KCNN3: variants seen among roughly 807,000 people sequenced by gnomAD.
KCNN3 encodes the protein small conductance calcium-activated potassium channel protein 3.
Under a neutral mutation model 62.9 loss-of-function variants are expected in KCNN3, and 16 were observed. The ratio of observed to expected loss-of-function variants is 0.25; its 90% CI spans 0.17 to 0.39. The LOEUF (loss-of-function observed/expected upper bound fraction) is 0.39. Ranked by LOEUF, KCNN3 falls within the 10% of genes least tolerant of loss-of-function variation. The probability of loss-of-function intolerance (pLI) is 1.00; values close to 1 mark genes in which losing one functional copy is unlikely to be tolerated. For synonymous variants in KCNN3, 370 were observed against 389.2 expected (o/e 0.95, Z 0.58); for missense variants, 599 against 949.4 (o/e 0.63, Z 4.85).
intron 2 of KCNN3, among the ~76,000 whole-genome samples, chr1:154,812,535 G>A (rs1367628743): frequency 6.6e-6 from 1 of 151,854 alleles, no homozygotes; most frequent in Non-Finnish European, 1.5e-5. Flanking sequence ...GCGATAGTTT[G>A]CTGAGAATGA....
At chr1:154,765,739 C>A (rs1034972192) in intron 3 of KCNN3, among the ~76,000 whole-genome samples, 1 of 151,812 alleles carries the variant, frequency 6.6e-6, no homozygotes, top group Non-Finnish European at 1.5e-5. Context: ...GTGATCCCCC[C>A]ACCTCAGCCT....
chr1:154,797,919 T>C (rs555048724), intron 2 of KCNN3, among the ~76,000 whole-genome samples: 2 of 152,296 alleles, frequency 1.3e-5, no homozygotes, highest in East Asian at 3.9e-4. Flanking sequence ...ATAAGAAGGA[T>C]GGTCTGATGA....
At chr1:154,852,617 C>A (rs12058931) in intron 1 of KCNN3, among the ~76,000 whole-genome samples, 28,500 of 152,070 alleles carry the variant, frequency 0.19, 3,399 homozygotes, top group Non-Finnish European at 0.28. Flanking sequence ...AGAGACACAC[C>A]AGATTTCAAA....
chr1:154,817,570 A>G (rs1335378879), intron 2 of KCNN3, among the ~76,000 whole-genome samples: 1 of 152,238 alleles, frequency 6.6e-6, no homozygotes, highest in Non-Finnish European at 1.5e-5. Context: ...CCACCTACAC[A>G]CTAAATGTGA....
chr1:154,798,955 C>T (rs1174091579), intron 2 of KCNN3, among the ~76,000 whole-genome samples: 7 of 148,550 alleles, frequency 4.7e-5, no homozygotes, highest in African/African-American at 1.8e-4. Flanking sequence ...TCCACTCTGT[C>T]ACCCAGGCTG....
chr1:154,798,768 T>C (rs529997143), intron 2 of KCNN3, among the ~76,000 whole-genome samples: 1 of 152,310 alleles, frequency 6.6e-6, no homozygotes, highest in African/African-American at 2.4e-5. Context: ...TGTGTGAAGT[T>C]ACACAACTAA....
In KCNN3 at chr1:154,785,572, CTTTTTTTT is replaced by C. The variant is rs59033291; in HGVS notation, c.1030-13187_1030-13180del. ...CTGGGGCCTAAGCACTTTTCTTTTTCTTTTTTTTTTTTTTTTTTTTTTTTTTTGAGACA... is the reference window on the plus strand; with the variant it reads ...CTGGGGCCTAAGCACTTTTCTTTTTCTTTTTTTTTTTTTTTTTTTGAGACA... On this transcript the variant is annotated intron_variant, in intron 2 of 7. Coordinates refer to ENST00000271915, the MANE Select transcript of KCNN3 (RefSeq NM_002249.6). Among the ~76,000 whole-genome samples the C allele has an allele frequency of 1.7e-4, 18 of 107,966 alleles. No individual in the cohort carries two copies. In the East Asian group the frequency reaches 1.9e-3, roughly 11 times the overall value. 70.8% of individuals were successfully genotyped at this position (107,966 alleles called of 152,430 possible). A position where few individuals can be genotyped will look rare whatever the true frequency, so the allele number is the denominator to read the frequency against.
chr1:154,752,617 G>A (rs1647430695), intron 3 of KCNN3, among the ~76,000 whole-genome samples: 1 of 152,158 alleles, frequency 6.6e-6, no homozygotes, highest in Admixed American at 6.5e-5. Context: ...GGCCACAGAG[G>A]AGAACCTGTG....
chr1:154,854,592 A>G lies in KCNN3; in HGVS notation c.933+14440T>C, dbSNP rs1213306761. Reference sequence around the variant, plus strand: ...ATCTATTAAAATGTAAATTCGTGACAGCAAAGATTTTTCTCTTTTGTGGGT... The same window carrying G: ...ATCTATTAAAATGTAAATTCGTGACGGCAAAGATTTTTCTCTTTTGTGGGT... On this transcript the variant is annotated intron_variant, in intron 1 of 7. Transcript: ENST00000271915. 2.6e-5 allele frequency among the ~76,000 whole-genome samples: 4 copies of G among 152,324 alleles called. No individual in the cohort carries two copies. The East Asian group carries it at 7.7e-4, about 29-fold the overall frequency.
intron 2 of KCNN3, among the ~76,000 whole-genome samples, chr1:154,802,435 C>A (rs1021168113): frequency 6.6e-6 from 1 of 152,186 alleles, no homozygotes; most frequent in Admixed American, 6.5e-5. Context: ...TCTATTCTCA[C>A]CCCAGGTGTT....
intron 3 of KCNN3, among the ~76,000 whole-genome samples, chr1:154,764,794 G>GT (rs1260911089): frequency 2.0e-5 from 3 of 152,074 alleles, no homozygotes; most frequent in Non-Finnish European, 4.4e-5. Flanking sequence ...GCAACTACGC[G>GT]TAAGTTTAGT....
chr1:154,868,748 G>A (rs1313232719), intron 1 of KCNN3, among the ~76,000 whole-genome samples: 1 of 151,990 alleles, frequency 6.6e-6, no homozygotes, highest in Non-Finnish European at 1.5e-5. Flanking sequence ...CAGTGTGTGG[G>A]GATGTCCCCT....
intron 3 of KCNN3, among the ~76,000 whole-genome samples, chr1:154,758,788 A>G (rs1327962885): frequency 1.1e-5 from 1 of 90,314 alleles, no homozygotes; most frequent in Admixed American, 1.0e-4. Context: ...GAAGGAGAAC[A>G]TCGTTTTGTT....
In KCNN3 at chr1:154,809,599, C is replaced by T. The variant is rs1401385025; in HGVS notation, c.1029+12490G>A. 1.3e-5 allele frequency among the ~76,000 whole-genome samples: 2 copies of T among 152,204 alleles called. No homozygotes were observed. Among genetic ancestry groups the T allele is most frequent in the Non-Finnish European group, 1.5e-5 (1 of 68,042 alleles). ...TAGATGAAGCTATTATACTCAGGCT[C>T]ATCACATGTGGGAGGGCAGGAAGCT... On this transcript the variant is annotated intron_variant, in intron 2 of 7. Transcript: ENST00000271915. The surrounding 1 kb of genome is among the most constrained non-coding windows in gnomAD (Gnocchi z 4.3).
chr1:154,745,143 G>A (rs1371400728), intron 3 of KCNN3, among the ~76,000 whole-genome samples: 2 of 151,974 alleles, frequency 1.3e-5, no homozygotes, highest in East Asian at 1.9e-4. Context: ...GGAAAATAAC[G>A]ACGTTTTCCT....
chr1:154,822,037 G>C (rs374726414), intron 2 of KCNN3, 52 bp downstream of exon 2: 4 of 1,416,870 alleles, frequency 2.8e-6, no homozygotes, highest in Non-Finnish European at 4.0e-6. Context: ...TCGGCTCAGA[G>C]CAAGGCCAAA....
intron 1 of KCNN3, among the ~76,000 whole-genome samples, chr1:154,866,368 C>G (rs1336625102): frequency 6.6e-6 from 1 of 152,176 alleles, no homozygotes; most frequent in Non-Finnish European, 1.5e-5. Flanking sequence ...CAGGCAGATA[C>G]GTGCCTTACA....
rs1244928419 is a variant in KCNN3 at position 154,701,777 on chromosome 1, A to C, written c.*6199T>G. ...TTAGAAAAGCACATCTGCACACTGG[A>C]CTCTTGTTGGGCCTTGTGTAGTTTG... On this transcript the variant is annotated 3_prime_UTR_variant, in exon 8 of 8. Coordinates refer to ENST00000271915, the MANE Select transcript of KCNN3 (RefSeq NM_002249.6). The C allele has an allele frequency of 1.3e-5, 2 of 151,690 alleles. No homozygotes were observed. Among genetic ancestry groups the C allele is most frequent in the Non-Finnish European group, 2.9e-5 (2 of 67,972 alleles). The allele number at this position is 151,690 out of a possible 1,614,324, so 9.4% of individuals were successfully genotyped here. A position where few individuals can be genotyped will look rare whatever the true frequency, so the allele number is the denominator to read the frequency against.
rs1411424701 is a variant in KCNN3, at chr1:154,702,747, A to ATATATATG, written c.*5228_*5229insCATATATA. The ATATATATG allele has an allele frequency of 3.5e-5, 3 of 85,814 alleles. No homozygotes were observed. Among genetic ancestry groups the ATATATATG allele is most frequent in the Non-Finnish European group, 7.2e-5 (3 of 41,802 alleles). 5.3% of individuals were successfully genotyped at this position (85,814 alleles called of 1,614,324 possible). On this transcript the variant is annotated 3_prime_UTR_variant, in exon 8 of 8. Transcript: ENST00000271915. ...TATATATATATATATATATATATATATGTACTTTTTCTTTTTGGCTATAAA... is the reference window on the plus strand; with the variant it reads ...TATATATATATATATATATATATATATATATATGTGTACTTTTTCTTTTTGGCTATAAA...
Sources: gnomAD v4.1 joint callset for allele counts (sites outside exome capture counted in the v4.1 genomes callset) on GRCh38, gnomAD v4.1.1 for gene constraint, Gnocchi (gnomAD v3.1) non-coding constraint, MANE v1.5 for transcripts, NCBI Gene and HGNC (gene_info 2026-07-23, HGNC 2026-07-21) for gene names.